Variants in PDE3A observed in about 807,000 individuals in gnomAD.
PDE3A encodes phosphodiesterase 3A, also known as cGMP-inhibited 3',5'-cyclic phosphodiesterase 3A.
A neutral mutation model predicts 98.3 loss-of-function variants in PDE3A; 43 were observed. The ratio of observed to expected loss-of-function variants is 0.44; its 90% confidence interval spans 0.34 to 0.56. The LOEUF (loss-of-function observed/expected upper bound fraction) is 0.56, where lower values mean the gene tolerates loss of function less well. Ranked by LOEUF, PDE3A falls within the 20% of genes least tolerant of loss-of-function variation. The pLI, the probability that PDE3A is intolerant of heterozygous loss-of-function variation, is 0.01. For missense variants in PDE3A, 1,427 were observed against 1,440.7 expected (o/e 0.99, Z 0.15); for synonymous variants, 663 against 567.9 (o/e 1.17, Z -2.38).
chr12:20,571,971 T>C, intron 2 of PDE3A: 1 of 1,062,384 alleles, frequency 9.4e-7, no homozygotes, highest in Non-Finnish European at 1.1e-6. Context: ...AGAACTTTCA[T>C]TTAACCTACT....
chr12:20,386,172 A>AAAATATATATAAATATATAT (rs1262942290), intron 1 of PDE3A, among the ~76,000 whole-genome samples: 1 of 47,118 alleles, frequency 2.1e-5, no homozygotes, highest in East Asian at 7.6e-4. Context: ...TAAATATATA[A>AAAATATATATAAATATATAT]AAATATATAT....
At position 20,503,511 on chromosome 12, in the gene PDE3A, T is replaced by C. The variant is rs543483141; in HGVS notation, c.961-53149T>C. Among the ~76,000 whole-genome samples, 3 of 152,184 alleles carry C rather than the reference T, an allele frequency of 2.0e-5. No homozygotes were observed. In the East Asian group the frequency reaches 5.8e-4, roughly 29 times the overall value. ...ATCCACAATAGAAAAATTCCATCAG[T>C]CAGAAACCATTCAGGAGAAGATATG... On this transcript the variant is annotated intron_variant, in intron 1 of 15. Transcript: ENST00000359062.
chr12:20,509,989 T>C (rs1397255573), intron 1 of PDE3A, among the ~76,000 whole-genome samples: 1 of 152,028 alleles, frequency 6.6e-6, no homozygotes. Context: ...TTTTAAATAT[T>C]AATGATATTT....
chr12:20,395,560 G>GTA (rs1210473407), intron 1 of PDE3A, among the ~76,000 whole-genome samples: 4 of 144,424 alleles, frequency 2.8e-5, no homozygotes, highest in South Asian at 2.2e-4. Flanking sequence ...TGTACACATA[G>GTA]TATATATATA....
intron 15 of PDE3A, among the ~76,000 whole-genome samples, chr12:20,672,299 T>A (rs1179055896): frequency 7.0e-6 from 1 of 143,606 alleles, no homozygotes; most frequent in Non-Finnish European, 1.5e-5. Context: ...TTCAATGCCA[T>A]CCCCATCAAG....
intron 15 of PDE3A, among the ~76,000 whole-genome samples, chr12:20,656,597 G>T (rs567783873): frequency 6.6e-6 from 1 of 152,156 alleles, no homozygotes; most frequent in East Asian, 1.9e-4. Context: ...GAATTCATGG[G>T]TTATTCATTC....
chr12:20,525,415 ATGT>A (rs893989226), intron 1 of PDE3A, among the ~76,000 whole-genome samples: 13 of 148,682 alleles, frequency 8.7e-5, no homozygotes, highest in African/African-American at 1.2e-4. Context: ...AAGAATAATA[ATGT>A]TGTTGTTCCT....
At chr12:20,598,333 C>T (rs1943514327) in intron 2 of PDE3A, among the ~76,000 whole-genome samples, 1 of 152,000 alleles carries the variant, frequency 6.6e-6, no homozygotes, top group Admixed American at 6.6e-5. Flanking sequence ...CAGGCTCCCA[C>T]CACCACGCCC....
intron 10 of PDE3A, among the ~76,000 whole-genome samples, chr12:20,644,457 CTCTG>C (rs1944723363): frequency 6.6e-6 from 1 of 151,998 alleles, no homozygotes; most frequent in African/African-American, 2.4e-5. Context: ...AGACTTTTTA[CTCTG>C]TCTTATTTTT....
intron 15 of PDE3A, among the ~76,000 whole-genome samples, chr12:20,658,645 GTACT>G (rs1945094000): frequency 6.6e-6 from 1 of 152,126 alleles, no homozygotes; most frequent in Non-Finnish European, 1.5e-5. Context: ...CTGTTAATTG[GTACT>G]TACTAAAGTT....
At chr12:20,587,997 G>T (rs953093766) in intron 2 of PDE3A, among the ~76,000 whole-genome samples, 1 of 152,182 alleles carries the variant, frequency 6.6e-6, no homozygotes, top group Non-Finnish European at 1.5e-5. Context: ...TTCTTAAAAT[G>T]AGGCAGATAA....
Position 20,570,686 on chromosome 12 carries a change from A to G in PDE3A, c.1011+13976A>G, listed in dbSNP as rs369789710. ...GTAAGCATTCATTTTTTTGTTTCTG[A>G]GCAGTCATGAACAGACCAAGATATG... On this transcript the variant is annotated intron_variant, in intron 2 of 15. Coordinates refer to ENST00000359062, the MANE Select transcript of PDE3A (RefSeq NM_000921.5). 2.3e-4 allele frequency among the ~76,000 whole-genome samples: 35 copies of G among 152,230 alleles called. No homozygotes were observed. In the South Asian group the frequency reaches 7.1e-3, roughly 31 times the overall value.
chr12:20,470,939 T>A (rs559854393), intron 1 of PDE3A, among the ~76,000 whole-genome samples: 3 of 150,936 alleles, frequency 2.0e-5, no homozygotes, highest in Non-Finnish European at 2.9e-5. Flanking sequence ...TGAACTCTCT[T>A]TCCATGTCCT....
At chr12:20,617,313 A>G (rs1195887839) in intron 4 of PDE3A, among the ~76,000 whole-genome samples, 1 of 152,160 alleles carries the variant, frequency 6.6e-6, no homozygotes, top group Non-Finnish European at 1.5e-5. Context: ...TTTTTGATTA[A>G]AAATTTTTAA....
Position 20,452,903 on chromosome 12 carries a change from G to A in PDE3A, c.960+82659G>A, listed in dbSNP as rs77390742. The stretch of plus-strand genomic sequence containing the variant: ...TGATTAGGTGAAGGGGCCCCAAGTA[G>A]GGAATTATGCACCTTATTCACCTGC... On this transcript the variant is annotated intron_variant, in intron 1 of 15. Transcript: ENST00000359062. Among the ~76,000 whole-genome samples the A allele has an allele frequency of 4.2e-3, 637 of 152,308 alleles. 7 individuals are homozygous for A. Among genetic ancestry groups the A allele is most frequent in the African/African-American group, 0.014 (594 of 41,572 alleles).
chr12:20,380,637 GA>G lies in PDE3A; in HGVS notation c.960+10399del, dbSNP rs540120094. On this transcript the variant is annotated intron_variant, in intron 1 of 15. Transcript: ENST00000359062. ...GATGAACTAGGAATACAATATTTAG[GA>G]AAAAAGTGATTTCGAACCTTATGGT... Among the ~76,000 whole-genome samples, 304 of 151,716 alleles carry G rather than the reference GA, an allele frequency of 2.0e-3. 3 individuals are homozygous for G. Among genetic ancestry groups the G allele is most frequent in the Admixed American group, 0.018 (277 of 15,174 alleles).
intron 1 of PDE3A, among the ~76,000 whole-genome samples, chr12:20,541,147 A>G (rs1037339540): frequency 1.7e-5 from 2 of 114,950 alleles, no homozygotes; most frequent in Non-Finnish European, 3.3e-5. Context: ...TCCAGGCTGG[A>G]GTGCAGTAGT....
intron 1 of PDE3A, among the ~76,000 whole-genome samples, chr12:20,541,205 T>C (rs1941899506): frequency 6.8e-6 from 1 of 146,134 alleles, no homozygotes; most frequent in Admixed American, 7.1e-5. Flanking sequence ...CAAGCAATCC[T>C]CTTGCCTCAG....
intron 1 of PDE3A, among the ~76,000 whole-genome samples, chr12:20,437,264 T>C (rs1180065919): frequency 6.6e-6 from 1 of 152,188 alleles, no homozygotes; most frequent in Non-Finnish European, 1.5e-5. Flanking sequence ...AAGTTTGTTA[T>C]GGCCAGCATT....
Sources: allele counts gnomAD v4.1 joint callset (sites outside exome capture counted in the v4.1 genomes callset), GRCh38; gene constraint gnomAD v4.1.1; transcripts MANE v1.5; gene names NCBI Gene and HGNC (gene_info 2026-07-23, HGNC 2026-07-21).